STPG2: variants seen among roughly 807,000 people sequenced by gnomAD.
The protein encoded by STPG2 is sperm tail PG-rich repeat containing 2, also known as sperm-tail PG-rich repeat-containing protein 2.
STPG2 carries 56 observed loss-of-function variants against 54.2 expected under a neutral mutation model. That is an observed-to-expected ratio of 1.03 (90% CI 0.83 to 1.29). STPG2 has a LOEUF of 1.29. STPG2 is among the 50% of genes most tolerant of loss of function. The pLI is 0.00. For synonymous variants in STPG2, 200 were observed against 181.8 expected, an observed-to-expected ratio of 1.10 and a Z score of -0.81; for missense variants, 596 against 544.9, an observed-to-expected ratio of 1.09 and a Z score of -0.93.
intron 10 of STPG2, among the ~76,000 whole-genome samples, chr4:97,705,334 T>C (rs1723906950): frequency 6.6e-6 from 1 of 151,484 alleles, no homozygotes; most frequent in Non-Finnish European, 1.5e-5. Flanking sequence ...AGAAATTCTT[T>C]TTTTTTTCTG....
chr4:97,755,179 C>A (rs1436674778), intron 9 of STPG2, among the ~76,000 whole-genome samples: 2 of 152,142 alleles, frequency 1.3e-5, no homozygotes, highest in African/African-American at 4.8e-5. Flanking sequence ...AAACAGGCAT[C>A]TTTAATTATA....
chr4:97,791,709 A>G (rs1726996596), intron 9 of STPG2, among the ~76,000 whole-genome samples: 1 of 152,110 alleles, frequency 6.6e-6, no homozygotes, highest in African/African-American at 2.4e-5. Flanking sequence ...ACTGTTTTGA[A>G]GTTAATGACA....
intron 3 of STPG2, among the ~76,000 whole-genome samples, chr4:98,115,579 TAAGA>T (rs925411940): frequency 2.6e-5 from 4 of 152,000 alleles, no homozygotes; most frequent in African/African-American, 9.7e-5. Context: ...ATTCACCAGT[TAAGA>T]AAGAATCACA....
chr4:97,699,893 C>A (rs1229678920), intron 10 of STPG2, among the ~76,000 whole-genome samples: 1 of 152,162 alleles, frequency 6.6e-6, no homozygotes, highest in Non-Finnish European at 1.5e-5. Context: ...GCTTTCAGGA[C>A]CTGCTTGAGC....
chr4:97,745,407 T>C (rs1262896290), intron 9 of STPG2, among the ~76,000 whole-genome samples: 1 of 151,114 alleles, frequency 6.6e-6, no homozygotes, highest in Non-Finnish European at 1.5e-5. Flanking sequence ...CTACAGAAGA[T>C]AGCCTTAAAA....
intron 9 of STPG2, among the ~76,000 whole-genome samples, chr4:97,736,387 G>C (rs578255475): frequency 3.9e-5 from 6 of 152,184 alleles, no homozygotes; most frequent in Non-Finnish European, 8.8e-5. Flanking sequence ...CACCGTGCGC[G>C]AGTCGAAGCA....
chr4:97,908,398 C>T (rs996042310), intron 8 of STPG2, among the ~76,000 whole-genome samples: 1 of 149,506 alleles, frequency 6.7e-6, no homozygotes, highest in Non-Finnish European at 1.5e-5. Flanking sequence ...GAAATAGGAA[C>T]ACTTTTACGC....
At chr4:98,035,264 C>A (rs963319848) in intron 5 of STPG2, among the ~76,000 whole-genome samples, 136 of 152,156 alleles carry the variant, frequency 8.9e-4, no homozygotes, top group African/African-American at 3.1e-3. Context: ...AAAAAACAAA[C>A]AACCCCATCA....
In STPG2 at chr4:97,805,972, T is replaced by C. The variant is rs972419996; in HGVS notation, c.1204+34801A>G. Among the ~76,000 whole-genome samples, 18 of 152,318 alleles carry C rather than the reference T, an allele frequency of 1.2e-4. No individual in the cohort carries two copies. In the South Asian group the frequency reaches 2.1e-3, roughly 18 times the overall value. The stretch of plus-strand genomic sequence containing the variant: ...TTTCTCAAAGAACTAAAATTAGCAC[T>C]ACCGTTTGACACAGGAATACCATTA... On this transcript the variant is annotated intron_variant, in intron 9 of 10. Coordinates refer to ENST00000295268, the MANE Select transcript of STPG2 (RefSeq NM_174952.3).
chr4:97,908,404 T>C (rs1030008052), intron 8 of STPG2, among the ~76,000 whole-genome samples: 27 of 149,492 alleles, frequency 1.8e-4, no homozygotes, highest in Non-Finnish European at 3.1e-4. Context: ...GGAACACTTT[T>C]ACGCTGTTGG....
intron 4 of STPG2, among the ~76,000 whole-genome samples, chr4:97,533,126 C>T (rs1731452969): frequency 6.6e-6 from 1 of 152,094 alleles, no homozygotes; most frequent in African/African-American, 2.4e-5. Context: ...CATGATCCCC[C>T]CGCCTCGGCC....
intron 8 of STPG2, among the ~76,000 whole-genome samples, chr4:97,938,908 G>A (rs1732865781): frequency 6.6e-6 from 1 of 151,916 alleles, no homozygotes; most frequent in Non-Finnish European, 1.5e-5. Flanking sequence ...GCCATCTTGG[G>A]TCTGCCCCTC....
intron 5 of STPG2, among the ~76,000 whole-genome samples, chr4:97,991,169 C>T (rs1232171277): frequency 1.3e-5 from 2 of 151,842 alleles, no homozygotes; most frequent in African/African-American, 4.8e-5. Context: ...GTTTCCATTC[C>T]TGGGTTACTT....
chr4:97,644,581 G>A (rs1365354578), intron 10 of STPG2, among the ~76,000 whole-genome samples: 1 of 152,010 alleles, frequency 6.6e-6, no homozygotes, highest in Non-Finnish European at 1.5e-5. Flanking sequence ...CAGAAGGCAA[G>A]CAAACATCGC....
intron 9 of STPG2, among the ~76,000 whole-genome samples, chr4:97,764,112 G>GCACA (rs3974908): frequency 0.25 from 34,840 of 140,934 alleles, 4,814 homozygotes; most frequent in East Asian, 0.5. Context: ...AACACCACAT[G>GCACA]CACACACACA....
intron 5 of STPG2, chr4:98,048,676 G>T: frequency 6.5e-6 from 1 of 154,530 alleles, no homozygotes; most frequent in East Asian, 1.8e-4. Context: ...TCAACTCAGG[G>T]ATCCACAGGG....
At chr4:97,767,729 TATATG>T (rs1342527611) in intron 9 of STPG2, among the ~76,000 whole-genome samples, 1 of 152,196 alleles carries the variant, frequency 6.6e-6, no homozygotes, top group Non-Finnish European at 1.5e-5. Flanking sequence ...CCATATTATA[TATATG>T]ATAAGCCCAC....
intron 2 of STPG2, among the ~76,000 whole-genome samples, chr4:98,132,773 A>G (rs561178212): frequency 1.3e-5 from 2 of 152,170 alleles, no homozygotes; most frequent in South Asian, 4.1e-4. Context: ...AAGAGAAGAT[A>G]GCAATTATAG....
rs190979985 is a variant in STPG2, at chr4:97,634,478, A to G, written c.1321-75361T>C. Reference sequence around the variant, plus strand: ...GCAGCTCCTCACCTGCAACAGAACAAAGCTGGACAGAGAATGACTTTGACG... The same window carrying G: ...GCAGCTCCTCACCTGCAACAGAACAGAGCTGGACAGAGAATGACTTTGACG... On this transcript the variant is annotated intron_variant, in intron 10 of 10. Transcript: ENST00000295268. 3.6e-3 allele frequency among the ~76,000 whole-genome samples: 550 copies of G among 152,306 alleles called. 5 individuals are homozygous for G. The highest frequency in any genetic ancestry group is 0.013 in the African/African-American group (523 of 41,568).
Sources: gnomAD v4.1 joint callset for allele counts (sites outside exome capture counted in the v4.1 genomes callset) on GRCh38, gnomAD v4.1.1 for gene constraint, MANE v1.5 for transcripts, NCBI Gene and HGNC (gene_info 2026-07-23, HGNC 2026-07-21) for gene names.